The following CSMD2 variants were observed in gnomAD, a reference collection of about 807,000 sequenced individuals.
CSMD2 encodes the protein CUB and Sushi multiple domains 2, also known as CUB and sushi domain-containing protein 2.
A neutral mutation model predicts 398.5 loss-of-function variants in CSMD2; 130 were observed. The ratio of observed to expected loss-of-function variants is 0.33; its 90% CI spans 0.28 to 0.38. The LOEUF (loss-of-function observed/expected upper bound fraction) is 0.38. Among genes scored for constraint, CSMD2 ranks in the 10% least tolerant of loss-of-function variants. The pLI, the probability that CSMD2 is intolerant of heterozygous loss-of-function variation, is 1.00. For missense variants in CSMD2, 3,829 were observed against 4,764.9 expected, an observed-to-expected ratio of 0.80 and a Z score of 5.78; for synonymous variants, 1,828 against 1,908.5, an observed-to-expected ratio of 0.96 and a Z score of 1.10.
intron 1 of CSMD2, among the ~76,000 whole-genome samples, chr1:34,114,159 C>T (rs565351300): frequency 2.6e-5 from 4 of 152,184 alleles, no homozygotes; most frequent in African/African-American, 9.6e-5. Context: ...CAAACAAGAC[C>T]CAGTAAACCT....
intron 44 of CSMD2, among the ~76,000 whole-genome samples, chr1:33,587,678 C>T (rs769718992): frequency 1.3e-5 from 2 of 152,194 alleles, no homozygotes; most frequent in African/African-American, 4.8e-5. Flanking sequence ...GTGGCTTTTG[C>T]GAGTACCTAC....
chr1:33,544,615 C>T (rs371507061), intron 57 of CSMD2, among the ~76,000 whole-genome samples: 2 of 151,300 alleles, frequency 1.3e-5, no homozygotes, highest in Non-Finnish European at 2.9e-5. Context: ...ATGGGGATCA[C>T]GTGGAGGTAG....
intron 6 of CSMD2, among the ~76,000 whole-genome samples, chr1:33,844,543 T>C (rs2125072980): frequency 6.6e-6 from 1 of 152,266 alleles, no homozygotes; most frequent in Non-Finnish European, 1.5e-5. Context: ...AGGAAAACAC[T>C]AGAAAAAGCA....
chr1:33,598,664 T>C (rs1639991982), intron 44 of CSMD2: 1 of 129,768 alleles, frequency 7.7e-6, no homozygotes, highest in African/African-American at 2.9e-5. Context: ...GAGTTTCCTG[T>C]GTTTTTTTTT....
chr1:34,082,421 C>T lies in CSMD2; in HGVS notation c.404+6556G>A, dbSNP rs187273156. On this transcript the variant is annotated intron_variant, in intron 2 of 70. Transcript: ENST00000373381. ...GCCGCCCCGTCTGGGAGGTGGGGGGCGCCCCCGCCTGGCAGCCGCCCCATC... is the reference window on the plus strand; with the variant it reads ...GCCGCCCCGTCTGGGAGGTGGGGGGTGCCCCCGCCTGGCAGCCGCCCCATC... Among the ~76,000 whole-genome samples, 135 of 151,630 alleles carry T rather than the reference C, an allele frequency of 8.9e-4. 2 individuals carry two copies. In the East Asian group the frequency reaches 0.023, roughly 26 times the overall value.
chr1:33,988,658 C>T (rs530761796), intron 3 of CSMD2, among the ~76,000 whole-genome samples: 9 of 152,078 alleles, frequency 5.9e-5, no homozygotes, highest in African/African-American at 2.2e-4. Flanking sequence ...AGGACTGATG[C>T]CCAGCAATTA....
chr1:34,125,507 CTGTGTGTGTGTGTGTGTGTGTGTGTG>C (rs35436778), intron 1 of CSMD2, among the ~76,000 whole-genome samples: 1 of 141,110 alleles, frequency 7.1e-6, no homozygotes, highest in East Asian at 2.2e-4. Context: ...TCAACCTTGG[CTGTGTGTGTGTGTGTGTGTGTGTGTG>C]TGTGTGTGTG....
intron 56 of CSMD2, among the ~76,000 whole-genome samples, chr1:33,549,900 C>T (rs781023369): frequency 2.0e-5 from 3 of 152,196 alleles, no homozygotes; most frequent in Non-Finnish European, 4.4e-5. Context: ...AGGACTCTGG[C>T]CATAGGTTGA....
At chr1:33,772,791 A>T in intron 12 of CSMD2, 40 bp from the exon 13 acceptor site, 1 of 1,561,950 alleles carries the variant, frequency 6.4e-7, no homozygotes, top group Non-Finnish European at 8.8e-7. Flanking sequence ...ACAAAAGGTG[A>T]CTTTATACCT....
chr1:34,133,865 T>C (rs1638416188), intron 1 of CSMD2, among the ~76,000 whole-genome samples: 1 of 151,680 alleles, frequency 6.6e-6, no homozygotes, highest in South Asian at 2.1e-4. Context: ...GGTCAGGAGA[T>C]TGAGACCATC....
At chr1:33,547,998 G>A (rs771778904) in intron 56 of CSMD2, among the ~76,000 whole-genome samples, 10 of 152,222 alleles carry the variant, frequency 6.6e-5, no homozygotes, top group Non-Finnish European at 1.5e-4. Context: ...TCTCGTGATA[G>A]TGAGTGAGTT....
At chr1:33,707,173 A>G (rs991829503) in intron 22 of CSMD2, among the ~76,000 whole-genome samples, 23 of 152,188 alleles carry the variant, frequency 1.5e-4, no homozygotes, top group African/African-American at 5.1e-4. Flanking sequence ...CATACTCCAT[A>G]TGACCTCCAG....
At chr1:34,157,908 T>C in intron 1 of CSMD2, among the ~76,000 whole-genome samples, 1 of 152,148 alleles carries the variant, frequency 6.6e-6, no homozygotes, top group East Asian at 1.9e-4. Context: ...GGATGTATAG[T>C]GGGTCATGAC....
intron 13 of CSMD2, among the ~76,000 whole-genome samples, chr1:33,770,048 C>T (rs1418986711): frequency 2.6e-5 from 4 of 152,106 alleles, no homozygotes; most frequent in Non-Finnish European, 5.9e-5. Context: ...AGCAGAACTC[C>T]AAAGTTTAAC....
At chr1:33,699,832 TC>T (rs1645547158) in intron 23 of CSMD2, among the ~76,000 whole-genome samples, 1 of 152,144 alleles carries the variant, frequency 6.6e-6, no homozygotes, top group Non-Finnish European at 1.5e-5. Context: ...TACACATTTT[TC>T]CCCCAACTCC....
At chr1:33,664,674 G>C (rs1421737671) in intron 25 of CSMD2, among the ~76,000 whole-genome samples, 20 of 151,906 alleles carry the variant, frequency 1.3e-4, no homozygotes, top group African/African-American at 7.3e-5. Context: ...GAGGTGGCGG[G>C]CGCCTGTAGT....
chr1:34,159,744 G>C lies in CSMD2; in HGVS notation c.187+5167C>G, dbSNP rs138620772. On this transcript the variant is annotated intron_variant, in intron 1 of 70. Coordinates refer to ENST00000373381, the MANE Select transcript of CSMD2 (RefSeq NM_001281956.2). ...TTAAGACAGTGCCGGTGAGTACTCA[G>C]TGAATATGAGCTGTTATTATAACTC... 1.8e-3 allele frequency among the ~76,000 whole-genome samples: 280 copies of C among 152,332 alleles called. 1 individual carries two copies. The highest frequency in any genetic ancestry group is 6.5e-3 in the African/African-American group (270 of 41,578).
chr1:34,101,185 G>A (rs2148411288), intron 1 of CSMD2, among the ~76,000 whole-genome samples: 1 of 152,302 alleles, frequency 6.6e-6, no homozygotes, highest in Admixed American at 6.5e-5. Context: ...CCTGTAGATG[G>A]GAATGCTGCT....
intron 1 of CSMD2, among the ~76,000 whole-genome samples, chr1:34,150,721 C>T (rs752529453): frequency 2.0e-5 from 3 of 151,688 alleles, no homozygotes; most frequent in Admixed American, 6.6e-5. Context: ...AAGACTAGCC[C>T]GGGCAACATA....
Sources: allele counts gnomAD v4.1 joint callset (sites outside exome capture counted in the v4.1 genomes callset), GRCh38; gene constraint gnomAD v4.1.1; transcripts MANE v1.5; gene names NCBI Gene and HGNC (gene_info 2026-07-23, HGNC 2026-07-21).